WDR38: variants seen among roughly 807,000 people sequenced by gnomAD.
WDR38 encodes WD repeat domain 38.
In WDR38, 37 loss-of-function variants were observed where a neutral mutation model predicts 36.6. The observed-to-expected ratio is 1.01, with a 90% CI of 0.78 to 1.33. The LOEUF is 1.33. Among genes scored for constraint, WDR38 ranks in the 40% most tolerant of loss-of-function variants. The pLI is 0.00. For synonymous variants in WDR38, 164 were observed against 168.1 expected (o/e 0.98, Z 0.19); for missense variants, 411 against 414.6 (o/e 0.99, Z 0.07).
chr9:124,857,263 C>T (rs1391103148), intron 7 of WDR38, 101 bp from the exon 8 acceptor site: 18 of 1,477,848 alleles, frequency 1.2e-5, no homozygotes, highest in East Asian at 4.5e-5. Context: ...GGAGTTCAGG[C>T]GAAGACTCAT....
At position 124,857,347 on chromosome 9, in the gene WDR38, C is replaced by CA; in HGVS notation, c.769-17_769-16insA. 1 of 1,463,072 alleles carries CA rather than the reference C, an allele frequency of 6.8e-7. No individual in the cohort carries two copies. Among genetic ancestry groups the CA allele is most frequent in the Non-Finnish European group, 9.0e-7 (1 of 1,111,940 alleles). The allele number at this position is 1,463,072 out of a possible 1,614,324, so 90.6% of individuals were successfully genotyped here. On this transcript the variant is annotated splice_polypyrimidine_tract_variant and intron_variant, in intron 7 of 8. Coordinates refer to ENST00000373574, the MANE Select transcript of WDR38 (RefSeq NM_001045476.3). Reference sequence around the variant, plus strand: ...TGGCCTGGTGAGGCTTCCTGACATGCCCCCCTCCTTTTCCAGGTCAAAGTC... The same window carrying CA: ...TGGCCTGGTGAGGCTTCCTGACATGCACCCCCTCCTTTTCCAGGTCAAAGTC...
In WDR38 at chr9:124,854,241, C is replaced by G. The variant is rs371402306; in HGVS notation, c.106C>G (p.Leu36Val). The change falls in exon 2 of 9, where the codon CTG becomes GTG. Residue 36 changes from leucine to valine, a missense_variant. Transcript: ENST00000373574. ...TGCCTTCTCCCCTGATGGCCAGATGCTGCTCACAGGCTCAGAAGATGGCTG... is the reference window on the plus strand; with the variant it reads ...TGCCTTCTCCCCTGATGGCCAGATGGTGCTCACAGGCTCAGAAGATGGCTG... ...SSAFSPDGQM[L>V]LTGSEDGCVY... The G allele has an allele frequency of 1.1e-5, 17 of 1,614,166 alleles. No individual in the cohort carries two copies. The highest frequency in any genetic ancestry group is 1.4e-5 in the Non-Finnish European group (16 of 1,180,000).
At chr9:124,853,770 C>T (rs74789785) in intron 1 of WDR38, among the ~76,000 whole-genome samples, 170 bp downstream of exon 1, 3,850 of 152,260 alleles carry the variant, frequency 0.025, 138 homozygotes, top group Admixed American at 0.07. Flanking sequence ...GCTCCAGTGC[C>T]GGGCCCCAGC....
At chr9:124,857,451 GCTTCTCC>G in intron 8 of WDR38, 40 bp downstream of exon 8, 1 of 1,614,176 alleles carries the variant, frequency 6.2e-7, no homozygotes, top group Non-Finnish European at 8.5e-7. Context: ...GCTGTGGACA[GCTTCTCC>G]CAAGGCAGGA....
At chr9:124,854,071 C>G (rs904270973) in intron 1 of WDR38, 134 bp from the exon 2 acceptor site, 2 of 1,438,268 alleles carry the variant, frequency 1.4e-6, no homozygotes, top group Admixed American at 3.7e-5. Flanking sequence ...GTCCCGGGTT[C>G]TGGGCTCTGG....
At chr9:124,853,848 G>A (rs991102297) in intron 1 of WDR38, among the ~76,000 whole-genome samples, 1 of 152,234 alleles carries the variant, frequency 6.6e-6, no homozygotes, top group Non-Finnish European at 1.5e-5. Flanking sequence ...TCTGCCTCGA[G>A]AGGGGCACAA....
chr9:124,855,431 T>C (rs1198721487), intron 2 of WDR38, among the ~76,000 whole-genome samples: 1 of 152,118 alleles, frequency 6.6e-6, no homozygotes, highest in African/African-American at 2.4e-5. Flanking sequence ...TGGGGATTGA[T>C]TTTTCAGATG....
chr9:124,853,845 C>A, intron 1 of WDR38, among the ~76,000 whole-genome samples: 1 of 152,138 alleles, frequency 6.6e-6, no homozygotes, highest in East Asian at 1.9e-4. Context: ...GGCTCTGCCT[C>A]GAGAGGGGCA....
Position 124,856,809 on chromosome 9 carries a change from T to C in WDR38, c.696T>C (p.His232=), listed in dbSNP as rs118056966. 5.5e-3 allele frequency: 8,818 copies of C among 1,614,212 alleles called. 451 individuals are homozygous for C. In the Admixed American group the frequency reaches 0.1, roughly 19 times the overall value. Residue 232 remains histidine (H), a synonymous_variant, in exon 7 of 9, where the codon CAT becomes CAC. Transcript: ENST00000373574. ...TSSLLIQLKG[H]VTWVKSIAFS... ...GCCTGCTTATCCAACTGAAGGGCCATGTCACCTGGGTGAAGAGCATAGCCT... is the reference window on the plus strand; with the variant it reads ...GCCTGCTTATCCAACTGAAGGGCCACGTCACCTGGGTGAAGAGCATAGCCT...
At position 124,856,878 on chromosome 9, in the gene WDR38, C is replaced by T. The variant is rs1342838901; in HGVS notation, c.765C>T (p.Arg255=). 6.2e-7 allele frequency: 1 copy of T among 1,613,916 alleles called. No individual in the cohort carries two copies. Among genetic ancestry groups the T allele is most frequent in the Admixed American group, 1.7e-5 (1 of 60,032 alleles). ...ELWLASAGYS[R]MVKVWDCNTG... ...GGCTGGCCAGCGCCGGCTATTCCCGCATGGTAACCACCCCGGGCCCATCCT... is the reference window on the plus strand; with the variant it reads ...GGCTGGCCAGCGCCGGCTATTCCCGTATGGTAACCACCCCGGGCCCATCCT... Residue 255 remains arginine (R), a synonymous_variant, in exon 7 of 9, where the codon CGC becomes CGT. Transcript: ENST00000373574.
chr9:124,856,394 A>G lies in WDR38; in HGVS notation c.486+74A>G, dbSNP rs1454440336. ...CTTGGAGCTGAGTGGTGGGAAGGGG[A>G]TGGACTCTGGGTCCCGCCTAGATGC... On this transcript the variant is annotated intron_variant, in intron 5 of 8. Transcript: ENST00000373574. 12 of 1,612,836 alleles carry G rather than the reference A, an allele frequency of 7.4e-6. No individual in the cohort carries two copies. The Admixed American group carries it at 2.0e-4, about 27-fold the overall frequency.
At position 124,856,477 on chromosome 9, in the gene WDR38, C is replaced by A. The variant is rs759635352; in HGVS notation, c.495C>A (p.Gly165=). ...ACAGAAGCTGCCTGCAGGCCACCGG[C>A]TCCTGGGACTCCACCGTACACATCT... The part of the protein sequence containing the change: ...FSPTVNCLAT[G]SWDSTVHIWD... Residue 165 remains glycine, a synonymous_variant, in exon 6 of 9, where the codon GGC becomes GGA. Coordinates refer to ENST00000373574, the MANE Select transcript of WDR38 (RefSeq NM_001045476.3). 3 of 1,612,036 alleles carry A rather than the reference C, an allele frequency of 1.9e-6. No individual in the cohort carries two copies. The African/African-American group carries it at 4.0e-5, about 22-fold the overall frequency.
chr9:124,856,393 G>A, intron 5 of WDR38, 73 bp downstream of exon 5: 1 of 1,613,096 alleles, frequency 6.2e-7, no homozygotes. Flanking sequence ...GTGGGAAGGG[G>A]ATGGACTCTG....
intron 7 of WDR38, 52 bp from the exon 8 acceptor site, chr9:124,857,312 G>C: frequency 1.2e-6 from 2 of 1,610,742 alleles, no homozygotes; most frequent in Non-Finnish European, 1.7e-6. Flanking sequence ...GGTGGCTTCA[G>C]ATGCCACAGT....
At chr9:124,856,930 C>T (rs745734055) in intron 7 of WDR38, 49 bp downstream of exon 7, 3 of 1,608,240 alleles carry the variant, frequency 1.9e-6, no homozygotes, top group African/African-American at 2.7e-5. Flanking sequence ...CCTCACCCCA[C>T]CAGGAGCCCT....
chr9:124,854,379 G>A (rs1828992129), intron 2 of WDR38, 54 bp downstream of exon 2: 1 of 1,605,592 alleles, frequency 6.2e-7, no homozygotes, highest in African/African-American at 1.3e-5. Flanking sequence ...CTGGCATGCT[G>A]CAGAGCTGAC....
At position 124,855,728 on chromosome 9, in the gene WDR38, GAA is replaced by G; in HGVS notation, c.286_287del (p.Lys96ValfsTer20). 1 of 1,613,364 alleles carries G rather than the reference GAA, an allele frequency of 6.2e-7. No homozygotes were observed. Among genetic ancestry groups the G allele is most frequent in the East Asian group, 2.2e-5 (1 of 44,878 alleles). Reference protein sequence around the residue: ...TVRLWDVARAKCLRVLKGHQR... With the variant: ...TVRLWDVARAXCLRVLKGHQR... ...TCCGCCTGTGGGATGTGGCAAGAGC[GAA>G]GTGTCTGCGGGTCCTGAAGGGTGAG... On this transcript the variant is annotated frameshift_variant, in exon 3 of 9. Coordinates refer to ENST00000373574, the MANE Select transcript of WDR38 (RefSeq NM_001045476.3). LOFTEE classifies it high-confidence loss of function.
Position 124,855,963 on chromosome 9 carries a change from G to T in WDR38, c.405+5G>T, listed in dbSNP as rs79552133. 1.2e-6 allele frequency: 2 copies of T among 1,613,976 alleles called. No individual in the cohort carries two copies. Among genetic ancestry groups the T allele is most frequent in the Non-Finnish European group, 1.7e-6 (2 of 1,179,872 alleles). On this transcript the variant is annotated splice_donor_5th_base_variant and intron_variant, in intron 4 of 8. Transcript: ENST00000373574. The stretch of plus-strand genomic sequence containing the variant: ...GTGATGCTCTGGGATGTGCAGGTAC[G>T]TTGAGGGGCTGGGGCCACCAGTCTG...
In WDR38 at chr9:124,857,607, T is replaced by A. The variant is rs777407983; in HGVS notation, c.922T>A (p.Ser308Thr). The change falls in exon 9 of 9, where the codon TCA becomes ACA. Residue 308 changes from serine to threonine, a missense_variant. Ser to Thr is a moderately conservative substitution (Grantham distance 58, BLOSUM62 1). Coordinates refer to ENST00000373574, the MANE Select transcript of WDR38 (RefSeq NM_001045476.3). The stretch of plus-strand genomic sequence containing the variant: ...ACGTCAAATATCCCGCACGTCCAAA[T>A]CACCCAGGGACCCTCAAACCTAACA... ...TRRQISRTSKSPRDPQT is the reference protein window; with the variant it reads ...TRRQISRTSKTPRDPQT The A allele has an allele frequency of 2.5e-6, 4 of 1,614,034 alleles. No individual in the cohort carries two copies. The highest frequency in any genetic ancestry group is 2.5e-6 in the Non-Finnish European group (3 of 1,180,000).
Sources: allele counts gnomAD v4.1 joint callset (sites outside exome capture counted in the v4.1 genomes callset), GRCh38; gene constraint gnomAD v4.1.1; transcripts MANE v1.5; gene names NCBI Gene and HGNC (gene_info 2026-07-23, HGNC 2026-07-21).